Variants in OXR1 observed in about 807,000 individuals in gnomAD.
The protein encoded by OXR1 is oxidation resistance protein 1.
OXR1 carries 41 observed loss-of-function variants against 104.6 expected under a neutral mutation model. The observed-to-expected ratio is 0.39, with a 90% CI of 0.31 to 0.51. OXR1 has a LOEUF of 0.51. OXR1 is among the 20% of genes least tolerant of loss of function. The pLI is 0.77. For missense variants in OXR1, 955 were observed against 1,031.9 expected (o/e 0.93, Z 1.02); for synonymous variants, 348 against 348.4 (o/e 1.00, Z 0.01).
At chr8:106,635,432 G>A (rs1446647315) in intron 3 of OXR1, among the ~76,000 whole-genome samples, 7 of 151,986 alleles carry the variant, frequency 4.6e-5, no homozygotes, top group Non-Finnish European at 7.4e-5. Flanking sequence ...TATGCCTTAG[G>A]AGAGGTGCAT....
chr8:106,713,651 A>G (rs3736179), intron 10 of OXR1, among the ~76,000 whole-genome samples, 172 bp from the exon 11 acceptor site: 21,170 of 151,968 alleles, frequency 0.14, 1,798 homozygotes, highest in East Asian at 0.37. Flanking sequence ...ATAGCCAAAT[A>G]AAATGTTTAA....
At chr8:106,581,939 G>A (rs1354347059) in intron 3 of OXR1, among the ~76,000 whole-genome samples, 9 of 145,582 alleles carry the variant, frequency 6.2e-5, no homozygotes, top group South Asian at 2.2e-4. Flanking sequence ...CAGGAGAATC[G>A]CTTGAACGTG....
At chr8:106,384,347 A>C (rs954834529) in intron 2 of OXR1, among the ~76,000 whole-genome samples, 4 of 152,182 alleles carry the variant, frequency 2.6e-5, no homozygotes, top group African/African-American at 9.6e-5. Flanking sequence ...AAGTCACTGC[A>C]CTTCCTGAGA....
At chr8:106,609,014 A>G (rs777545134) in intron 3 of OXR1, among the ~76,000 whole-genome samples, 3 of 152,186 alleles carry the variant, frequency 2.0e-5, no homozygotes, top group Non-Finnish European at 4.4e-5. Context: ...TTCCCCACTT[A>G]TCACTCCACC....
chr8:106,556,933 A>G (rs1816328993), intron 3 of OXR1, among the ~76,000 whole-genome samples: 1 of 152,148 alleles, frequency 6.6e-6, no homozygotes, highest in Non-Finnish European at 1.5e-5. Context: ...TGCTCTCATC[A>G]TCCAAGACTG....
intron 2 of OXR1, among the ~76,000 whole-genome samples, chr8:106,390,205 T>C (rs1357995227): frequency 2.0e-5 from 3 of 152,224 alleles, no homozygotes; most frequent in Non-Finnish European, 1.5e-5. Context: ...TAAAAATCTA[T>C]AATAAGAAAA....
At chr8:106,618,307 A>T (rs1821411745) in intron 3 of OXR1, 1 of 829,978 alleles carries the variant, frequency 1.2e-6, no homozygotes, top group East Asian at 2.7e-5. Flanking sequence ...TGGATCTGTG[A>T]CGATGCAGTT....
chr8:106,586,295 G>A (rs533863265), intron 3 of OXR1, among the ~76,000 whole-genome samples: 3 of 152,076 alleles, frequency 2.0e-5, no homozygotes, highest in African/African-American at 7.2e-5. Context: ...AATACGATGG[G>A]GTGAGTGTGA....
rs1835931589 is a variant in OXR1 at position 106,752,221 on chromosome 8, TA to T, written c.*1283del. The T allele has an allele frequency of 2.7e-5, 1 of 36,754 alleles. No individual in the cohort carries two copies. Among genetic ancestry groups the T allele is most frequent in the Admixed American group, 3.4e-4 (1 of 2,910 alleles). 2.3% of individuals were successfully genotyped at this position (36,754 alleles called of 1,614,324 possible). Reference sequence around the variant, plus strand: ...ATTGTATATCTTGTAAATTAATGTTTAAAGGTGTAGTTTTGTTCTTACAGAA... The same window carrying T: ...ATTGTATATCTTGTAAATTAATGTTTAAGGTGTAGTTTTGTTCTTACAGAA... On this transcript the variant is annotated 3_prime_UTR_variant, in exon 17 of 17. Coordinates refer to ENST00000517566, the MANE Select transcript of OXR1 (RefSeq NM_001198533.2).
intron 3 of OXR1, chr8:106,604,879 TGTAA>T (rs1454057710): frequency 6.6e-6 from 1 of 152,232 alleles, no homozygotes; most frequent in Non-Finnish European, 1.5e-5. Context: ...TGCAAAAGCC[TGTAA>T]GTGTGTTTGT....
chr8:106,490,062 G>A (rs1239917846), intron 2 of OXR1, among the ~76,000 whole-genome samples: 2 of 152,080 alleles, frequency 1.3e-5, no homozygotes, highest in Non-Finnish European at 2.9e-5. Context: ...TCTTTATTGA[G>A]TACTGTTATT....
In OXR1 at chr8:106,688,954, G is replaced by T. The variant is rs564360009; in HGVS notation, c.526-3774G>T. On this transcript the variant is annotated intron_variant, in intron 6 of 16. Transcript: ENST00000517566. ...ATTTATAGGAACTAGGAAGTTTGTA[G>T]TAAAGAACTGTGTGGAAGTAATGCA... is the stretch of plus-strand genomic sequence containing the variant. 2.6e-5 allele frequency among the ~76,000 whole-genome samples: 4 copies of T among 152,212 alleles called. No individual in the cohort carries two copies. The South Asian group carries it at 6.2e-4, about 24-fold the overall frequency.
intron 3 of OXR1, among the ~76,000 whole-genome samples, chr8:106,668,001 G>A (rs1587013221): frequency 1.3e-5 from 2 of 150,402 alleles, no homozygotes; most frequent in Non-Finnish European, 3.0e-5. Context: ...TACAGATACT[G>A]TTATTACAAT....
intron 11 of OXR1, among the ~76,000 whole-genome samples, chr8:106,714,851 G>A (rs991594586): frequency 6.6e-6 from 1 of 152,096 alleles, no homozygotes; most frequent in South Asian, 2.1e-4. Flanking sequence ...GTAATTGAAG[G>A]TATACATGGC....
At chr8:106,321,655 A>G (rs1814222839) in intron 1 of OXR1, among the ~76,000 whole-genome samples, 1 of 152,194 alleles carries the variant, frequency 6.6e-6, no homozygotes. Context: ...AAGCTTCCCC[A>G]CCAACTAAAG....
At chr8:106,726,250 C>CGTCTCTG (rs1266270467) in intron 11 of OXR1, 1 of 1,526,708 alleles carries the variant, frequency 6.6e-7, no homozygotes, top group African/African-American at 1.4e-5. Flanking sequence ...GGAAATGTCT[C>CGTCTCTG]GTCTCTGGTA....
chr8:106,329,117 G>A (rs1814602275), intron 1 of OXR1, among the ~76,000 whole-genome samples: 1 of 151,850 alleles, frequency 6.6e-6, no homozygotes, highest in Non-Finnish European at 1.5e-5. Context: ...TCAGCCTCCC[G>A]AGTAGCTGGG....
intron 6 of OXR1, among the ~76,000 whole-genome samples, chr8:106,692,166 TG>T (rs1829371798): frequency 6.6e-6 from 1 of 152,100 alleles, no homozygotes; most frequent in African/African-American, 2.4e-5. Context: ...ACTGTAAGAA[TG>T]GTCAGTAGCA....
At chr8:106,606,324 A>G (rs770705027) in intron 3 of OXR1, among the ~76,000 whole-genome samples, 66 of 152,054 alleles carry the variant, frequency 4.3e-4, no homozygotes, top group South Asian at 2.3e-3. Flanking sequence ...TTATTGAGAC[A>G]GAGTCCCACT....
Sources: allele counts gnomAD v4.1 joint callset (sites outside exome capture counted in the v4.1 genomes callset), GRCh38; gene constraint gnomAD v4.1.1; transcripts MANE v1.5; gene names NCBI Gene and HGNC (gene_info 2026-07-23, HGNC 2026-07-21).